The following LIN52 variants were observed in gnomAD, a reference collection of about 807,000 sequenced individuals.
The protein encoded by LIN52 is lin-52 DREAM MuvB core complex component.
A neutral mutation model predicts 18.5 loss-of-function variants in LIN52; 4 were observed. The observed-to-expected ratio is 0.22, with a 90% CI of 0.11 to 0.49. The LOEUF is 0.49. Ranked by LOEUF, LIN52 falls within the 20% of genes least tolerant of loss-of-function variation. The pLI is 0.97. For synonymous variants in LIN52, 34 were observed against 45.5 expected (o/e 0.75, Z 1.02); for missense variants, 102 against 139.5 (o/e 0.73, Z 1.35).
intron 5 of LIN52, among the ~76,000 whole-genome samples, chr14:74,147,751 C>T (rs2061158354): frequency 6.6e-6 from 1 of 152,090 alleles, no homozygotes; most frequent in African/African-American, 2.4e-5. Context: ...TACGTAATTC[C>T]ACTTATGTGA....
chr14:74,111,455 ATTTT>A (rs5809646), intron 5 of LIN52, among the ~76,000 whole-genome samples: 1 of 142,164 alleles, frequency 7.0e-6, no homozygotes. Flanking sequence ...TGCCTGACTG[ATTTT>A]TTTTTTTTTT....
intron 5 of LIN52, among the ~76,000 whole-genome samples, chr14:74,167,119 T>TC (rs1555384230): frequency 1.4e-5 from 2 of 147,832 alleles, no homozygotes; most frequent in Admixed American, 1.3e-4. Flanking sequence ...CTGCTTTTTT[T>TC]TTTTTTTTTT....
intron 5 of LIN52, among the ~76,000 whole-genome samples, chr14:74,182,732 C>T (rs1279615163): frequency 6.6e-6 from 1 of 152,114 alleles, no homozygotes; most frequent in African/African-American, 2.4e-5. Context: ...AGTCTTGCTA[C>T]CTATCTCAAA....
At chr14:74,110,033 T>C (rs1307298888) in intron 5 of LIN52, among the ~76,000 whole-genome samples, 2 of 152,156 alleles carry the variant, frequency 1.3e-5, no homozygotes, top group Non-Finnish European at 2.9e-5. Flanking sequence ...TTCCTGATCT[T>C]TGGGAGAAAC....
chr14:74,093,392 T>G (rs746963070), intron 2 of LIN52, among the ~76,000 whole-genome samples: 1 of 146,772 alleles, frequency 6.8e-6, no homozygotes, highest in Non-Finnish European at 1.5e-5. Flanking sequence ...AATGGTGCAG[T>G]CTTGGCTCAC....
intron 5 of LIN52, among the ~76,000 whole-genome samples, chr14:74,104,843 G>T (rs2060886886): frequency 6.6e-6 from 1 of 152,062 alleles, no homozygotes; most frequent in African/African-American, 2.4e-5. Flanking sequence ...TAAAATGCAG[G>T]TGGAACTATG....
intron 5 of LIN52, among the ~76,000 whole-genome samples, chr14:74,175,529 CAA>C (rs781699088): frequency 1.5e-5 from 2 of 133,086 alleles, no homozygotes; most frequent in African/African-American, 5.5e-5. Flanking sequence ...CCTGTCTCTA[CAA>C]AAAAAAAAAA....
rs2061125391 is a variant in LIN52 at position 74,140,689 on chromosome 14, C to A, written c.283+39451C>A. ...TGCTTTAAGAACCCGCACGTGGCTG[C>A]CCCAGCTGTTCTGCTTTGCCTAATG... On this transcript the variant is annotated intron_variant, in intron 5 of 5. Coordinates refer to ENST00000555028, the MANE Select transcript of LIN52 (RefSeq NM_001024674.3). Among the ~76,000 whole-genome samples, 11 of 152,162 alleles carry A rather than the reference C, an allele frequency of 7.2e-5. No individual in the cohort carries two copies. In the South Asian group the frequency reaches 2.3e-3, roughly 32 times the overall value.
intron 5 of LIN52, among the ~76,000 whole-genome samples, chr14:74,198,469 T>C (rs1195871120): frequency 1.3e-5 from 2 of 152,188 alleles, no homozygotes; most frequent in African/African-American, 2.4e-5. Flanking sequence ...GGACTAACAC[T>C]GCTGAGAGAT....
chr14:74,130,278 G>GTTTTTTTTTTGTTTTTTTTTTTTTTTTT (rs1566856483), intron 5 of LIN52, among the ~76,000 whole-genome samples: 1 of 64,842 alleles, frequency 1.5e-5, no homozygotes, highest in African/African-American at 6.3e-5. Context: ...GCATTTTTTG[G>GTTTTTTTTTTGTTTTTTTTTTTTTTTTT]TTTTTTTTTT....
chr14:74,164,980 C>G (rs754308980), intron 5 of LIN52, among the ~76,000 whole-genome samples: 1 of 152,076 alleles, frequency 6.6e-6, no homozygotes, highest in African/African-American at 2.4e-5. Context: ...TGATTTACCA[C>G]GTTTCAATAT....
In LIN52 at chr14:74,199,073, G is replaced by T. The variant is rs945626578; in HGVS notation, c.*96G>T. 17 of 862,204 alleles carry T rather than the reference G, an allele frequency of 2.0e-5. No individual in the cohort carries two copies. Among genetic ancestry groups the T allele is most frequent in the African/African-American group, 3.3e-5 (2 of 60,510 alleles). The allele number at this position is 862,204 out of a possible 1,614,324, so 53.4% of individuals were successfully genotyped here. A position where few individuals can be genotyped will look rare whatever the true frequency, so the allele number is the denominator to read the frequency against. ...ACACCTCACTGCTTGCTTGGGAGAG[G>T]CCAGAGGGTGTACCTCCAGGACTGC... On this transcript the variant is annotated 3_prime_UTR_variant, in exon 6 of 6. Transcript: ENST00000555028.
chr14:74,108,004 C>T (rs916687108), intron 5 of LIN52, among the ~76,000 whole-genome samples: 1 of 152,150 alleles, frequency 6.6e-6, no homozygotes, highest in Non-Finnish European at 1.5e-5. Flanking sequence ...AAACCTTGCA[C>T]CCATTAGCAG....
chr14:74,146,974 T>C (rs555899634), intron 5 of LIN52, among the ~76,000 whole-genome samples: 2 of 152,100 alleles, frequency 1.3e-5, no homozygotes, highest in East Asian at 1.9e-4. Context: ...AATATCCACA[T>C]GAGGCCAGGC....
At chr14:74,161,551 AAAG>A (rs1220161405) in intron 5 of LIN52, among the ~76,000 whole-genome samples, 1 of 152,258 alleles carries the variant, frequency 6.6e-6, no homozygotes, top group African/African-American at 2.4e-5. Context: ...TCTGAAAGGA[AAAG>A]AAGAGTCAAC....
At chr14:74,165,940 A>G (rs1294072287) in intron 5 of LIN52, among the ~76,000 whole-genome samples, 1 of 149,556 alleles carries the variant, frequency 6.7e-6, no homozygotes, top group Non-Finnish European at 1.5e-5. Context: ...TGCCCAGGCT[A>G]GGGTGCAATG....
chr14:74,138,043 T>G (rs2061108095), intron 5 of LIN52, among the ~76,000 whole-genome samples: 1 of 152,204 alleles, frequency 6.6e-6, no homozygotes. Context: ...GAAACACAAA[T>G]TGACATGTGA....
intron 5 of LIN52, among the ~76,000 whole-genome samples, chr14:74,197,929 G>A (rs1305416370): frequency 1.3e-5 from 2 of 152,328 alleles, no homozygotes; most frequent in South Asian, 2.1e-4. Flanking sequence ...TCCTGAGAGT[G>A]CCTCCCTAGC....
At chr14:74,155,575 T>C (rs73305171) in intron 5 of LIN52, among the ~76,000 whole-genome samples, 2,256 of 152,330 alleles carry the variant, frequency 0.015, 51 homozygotes, top group African/African-American at 0.052. Flanking sequence ...CCCCTTTTCC[T>C]TGGAGACCAC....
Sources: allele counts gnomAD v4.1 joint callset (sites outside exome capture counted in the v4.1 genomes callset), GRCh38; gene constraint gnomAD v4.1.1; transcripts MANE v1.5; gene names NCBI Gene and HGNC (gene_info 2026-07-23, HGNC 2026-07-21).